ELSPBP1: variants seen among roughly 807,000 people sequenced by gnomAD.
The protein encoded by ELSPBP1 is epididymal sperm binding protein 1, also known as epididymal sperm-binding protein 1.
ELSPBP1 carries 38 observed loss-of-function variants against 33.3 expected under a neutral mutation model. The ratio of observed to expected loss-of-function variants is 1.14; its 90% CI spans 0.88 to 1.50. The LOEUF is 1.50. Among genes scored for constraint, ELSPBP1 ranks in the 40% most tolerant of loss-of-function variants. The pLI is 0.00. For synonymous variants in ELSPBP1, 85 were observed against 94.1 expected (o/e 0.90, Z 0.56); for missense variants, 267 against 263.5 (o/e 1.01, Z -0.09).
At chr19:47,999,442 G>T (rs920463726) in intron 1 of ELSPBP1, among the ~76,000 whole-genome samples, 2 of 139,506 alleles carry the variant, frequency 1.4e-5, no homozygotes, top group Non-Finnish European at 3.0e-5. Flanking sequence ...AGGCTGGAAT[G>T]CAGTGGTGTG....
chr19:47,998,052 G>A (rs1966927673), intron 1 of ELSPBP1, among the ~76,000 whole-genome samples: 1 of 152,124 alleles, frequency 6.6e-6, no homozygotes, highest in Admixed American at 6.6e-5. Context: ...ACCTAGGTTT[G>A]CTAGTGTCAC....
intron 6 of ELSPBP1, among the ~76,000 whole-genome samples, chr19:48,023,341 GGAGGAAGGA>G (rs1392242866): frequency 3.7e-5 from 5 of 135,366 alleles, no homozygotes; most frequent in African/African-American, 8.3e-5. Flanking sequence ...AGGAAGGGAG[GGAGGAAGGA>G]AAGAAGGAAG....
At chr19:47,997,299 CT>C (rs1294706728) in intron 1 of ELSPBP1, among the ~76,000 whole-genome samples, 7 of 152,264 alleles carry the variant, frequency 4.6e-5, no homozygotes, top group African/African-American at 1.7e-4. Context: ...CCTCCTATTG[CT>C]TTACTCAGGG....
At chr19:48,000,466 C>T (rs1030380105) in intron 1 of ELSPBP1, among the ~76,000 whole-genome samples, 4 of 151,064 alleles carry the variant, frequency 2.6e-5, no homozygotes, top group Non-Finnish European at 5.9e-5. Flanking sequence ...GTCTCTAACT[C>T]ATGACCTTGT....
At position 48,016,047 on chromosome 19, in the gene ELSPBP1, C is replaced by T. The variant is rs779969549; in HGVS notation, c.355+8C>T. The T allele has an allele frequency of 3.7e-5, 59 of 1,612,140 alleles. No homozygotes were observed. The highest frequency in any genetic ancestry group is 5.3e-5 in the African/African-American group (4 of 74,818). ...AATTCTGTGAAACGAATGGTGAGCC[C>T]CTGTAGCAGGGATGGGATGTGTGGT... On this transcript the variant is annotated splice_region_variant and intron_variant, in intron 4 of 6. Coordinates refer to ENST00000339841, the MANE Select transcript of ELSPBP1 (RefSeq NM_022142.5).
chr19:48,009,253 T>C (rs2122307948), intron 2 of ELSPBP1, among the ~76,000 whole-genome samples: 1 of 152,230 alleles, frequency 6.6e-6, no homozygotes, highest in South Asian at 2.1e-4. Context: ...TTCCAGACTG[T>C]AAAAGAGAAG....
chr19:48,007,075 C>A (rs567995437), intron 1 of ELSPBP1, among the ~76,000 whole-genome samples: 1 of 152,134 alleles, frequency 6.6e-6, no homozygotes, highest in East Asian at 1.9e-4. Flanking sequence ...TTGGTTCCAT[C>A]TGATGCCTTC....
At chr19:48,000,891 G>A (rs1966960834) in intron 1 of ELSPBP1, among the ~76,000 whole-genome samples, 1 of 152,226 alleles carries the variant, frequency 6.6e-6, no homozygotes, top group Non-Finnish European at 1.5e-5. Flanking sequence ...CCCTGTGTGT[G>A]CATTAGTTTT....
chr19:48,000,222 A>AC (rs1568402856), intron 1 of ELSPBP1, among the ~76,000 whole-genome samples: 387 of 4,056 alleles, frequency 0.095, 2 homozygotes, highest in African/African-American at 0.25. Context: ...GCCGCCCCCC[A>AC]AAAATCCTGC....
chr19:48,016,493 TTTC>T (rs1568407410), intron 4 of ELSPBP1, among the ~76,000 whole-genome samples: 3 of 104,416 alleles, frequency 2.9e-5, no homozygotes, highest in African/African-American at 1.1e-4. Context: ...TCTTTCTTTC[TTTC>T]TTTCTTTCTT....
chr19:48,022,097 C>T, intron 5 of ELSPBP1, 73 bp from the exon 6 acceptor site: 1 of 1,414,890 alleles, frequency 7.1e-7, no homozygotes, highest in Non-Finnish European at 9.6e-7. Context: ...CTAGGGTGGG[C>T]CTGAAGCCCA....
At chr19:47,997,597 A>G (rs975609676) in intron 1 of ELSPBP1, among the ~76,000 whole-genome samples, 2 of 151,756 alleles carry the variant, frequency 1.3e-5, no homozygotes, top group Non-Finnish European at 2.9e-5. Context: ...TTATTTATTT[A>G]TTTAATAGAC....
chr19:48,019,484 C>T (rs956065174), intron 4 of ELSPBP1, among the ~76,000 whole-genome samples: 8 of 152,086 alleles, frequency 5.3e-5, no homozygotes, highest in Non-Finnish European at 8.8e-5. Flanking sequence ...AAGGTGATGG[C>T]GACCGCAGAA....
intron 1 of ELSPBP1, among the ~76,000 whole-genome samples, chr19:48,003,906 AT>A (rs1966992107): frequency 1.5e-5 from 1 of 66,532 alleles, no homozygotes; most frequent in South Asian, 4.9e-4. Context: ...ATTCTATTCT[AT>A]TCTATTCTAT....
chr19:48,010,213 C>T (rs1190753362), intron 2 of ELSPBP1, among the ~76,000 whole-genome samples: 2 of 152,152 alleles, frequency 1.3e-5, no homozygotes, highest in Non-Finnish European at 2.9e-5. Flanking sequence ...TCTGGGTTCT[C>T]AAAGAACTGA....
At chr19:47,996,918 C>A (rs1410670267) in intron 1 of ELSPBP1, among the ~76,000 whole-genome samples, 1 of 152,136 alleles carries the variant, frequency 6.6e-6, no homozygotes, top group Non-Finnish European at 1.5e-5. Flanking sequence ...TCATTAATGG[C>A]CAACATTTAT....
intron 5 of ELSPBP1, among the ~76,000 whole-genome samples, chr19:48,020,922 G>A (rs1423361744): frequency 6.6e-6 from 1 of 151,506 alleles, no homozygotes; most frequent in Admixed American, 6.6e-5. Context: ...GGGTGGGGGG[G>A]TGTGTTGTTC....
chr19:48,020,961 TA>T (rs56286000), intron 5 of ELSPBP1, among the ~76,000 whole-genome samples: 15,659 of 152,176 alleles, frequency 0.1, 1,012 homozygotes, highest in South Asian at 0.2. Flanking sequence ...CTAAATAAAA[TA>T]AATTATTTCT....
chr19:48,017,721 G>T (rs116685293), intron 4 of ELSPBP1, among the ~76,000 whole-genome samples: 1 of 151,636 alleles, frequency 6.6e-6, no homozygotes, highest in Non-Finnish European at 1.5e-5. Context: ...AGGAAGACCC[G>T]CTCTGTAAAA....
Sources: gnomAD v4.1 joint callset for allele counts (sites outside exome capture counted in the v4.1 genomes callset) on GRCh38, gnomAD v4.1.1 for gene constraint, MANE v1.5 for transcripts, NCBI Gene and HGNC (gene_info 2026-07-23, HGNC 2026-07-21) for gene names.